DCDC1: variants seen among roughly 807,000 people sequenced by gnomAD.
DCDC1 encodes the protein doublecortin domain containing 1.
DCDC1 carries 200 observed loss-of-function variants against 178.3 expected under a neutral mutation model. The observed-to-expected ratio is 1.12, with a 90% confidence interval of 1.00 to 1.26. The LOEUF (loss-of-function observed/expected upper bound fraction) is 1.26. Ranked by LOEUF, DCDC1 falls within the 50% of genes most tolerant of loss-of-function variation. The pLI, the probability that DCDC1 is intolerant of heterozygous loss-of-function variation, is 0.00. For synonymous variants in DCDC1, 690 were observed against 604.8 expected, an observed-to-expected ratio of 1.14 and a Z score of -2.07; for missense variants, 1,983 against 1,749.2, an observed-to-expected ratio of 1.13 and a Z score of -2.38.
intron 9 of DCDC1, among the ~76,000 whole-genome samples, chr11:31,207,941 C>T (rs1007451809): frequency 2.0e-5 from 3 of 152,052 alleles, no homozygotes; most frequent in South Asian, 2.1e-4. Context: ...TTCATCACTC[C>T]CTCCTTAAAT....
At chr11:31,293,406 C>A (rs1161568554) in intron 6 of DCDC1, among the ~76,000 whole-genome samples, 1 of 152,080 alleles carries the variant, frequency 6.6e-6, no homozygotes, top group Non-Finnish European at 1.5e-5. Flanking sequence ...ATGTTACAGG[C>A]ACCAAGATTT....
intron 7 of DCDC1, among the ~76,000 whole-genome samples, chr11:31,274,159 T>C (rs1945800242): frequency 6.6e-6 from 1 of 152,194 alleles, no homozygotes; most frequent in African/African-American, 2.4e-5. Context: ...ATCATGCATA[T>C]TCATTCACTG....
chr11:31,197,354 T>C (rs1186776066), intron 9 of DCDC1, among the ~76,000 whole-genome samples: 1 of 152,124 alleles, frequency 6.6e-6, no homozygotes, highest in Non-Finnish European at 1.5e-5. Flanking sequence ...ATATCTTTCC[T>C]TTTTGCAAAT....
At chr11:31,081,722 A>C (rs1376581970) in intron 17 of DCDC1, among the ~76,000 whole-genome samples, 1 of 152,206 alleles carries the variant, frequency 6.6e-6, no homozygotes, top group African/African-American at 2.4e-5. Flanking sequence ...CTTTTCCTAG[A>C]AAATTCTACT....
intron 7 of DCDC1, among the ~76,000 whole-genome samples, chr11:31,285,040 A>C (rs1946715076): frequency 1.3e-5 from 2 of 152,012 alleles, no homozygotes; most frequent in African/African-American, 2.4e-5. Flanking sequence ...ATTTGTTTTT[A>C]TTTCCATTAA....
chr11:31,297,953 A>T (rs951967550), intron 6 of DCDC1, among the ~76,000 whole-genome samples: 7 of 152,158 alleles, frequency 4.6e-5, no homozygotes, highest in African/African-American at 1.7e-4. Context: ...CCTGAAATGT[A>T]TAAAACCAAG....
intron 9 of DCDC1, among the ~76,000 whole-genome samples, chr11:31,223,208 A>G (rs1210159773): frequency 6.6e-6 from 1 of 152,150 alleles, no homozygotes; most frequent in Non-Finnish European, 1.5e-5. Context: ...TGATGTAATT[A>G]TATTACAATA....
At chr11:30,985,660 A>G (rs1338049797) in intron 20 of DCDC1, among the ~76,000 whole-genome samples, 1 of 152,174 alleles carries the variant, frequency 6.6e-6, no homozygotes, top group East Asian at 1.9e-4. Flanking sequence ...ATAATAAACT[A>G]TATGAGTTGC....
chr11:31,268,145 T>A (rs904362023), intron 7 of DCDC1, among the ~76,000 whole-genome samples: 2 of 152,226 alleles, frequency 1.3e-5, no homozygotes, highest in Non-Finnish European at 2.9e-5. Flanking sequence ...ATGAAGTTAT[T>A]ACTGTATTTA....
chr11:30,888,144 A>AAGAAAGAAAGAAAGAAAG (rs1554959136), intron 36 of DCDC1, among the ~76,000 whole-genome samples: 3 of 142,020 alleles, frequency 2.1e-5, no homozygotes, highest in Non-Finnish European at 4.5e-5. Flanking sequence ...GAAAGAAAGA[A>AAGAAAGAAAGAAAGAAAG]AGAAAGAAAG....
At chr11:31,133,693 G>GT (rs869146116) in intron 10 of DCDC1, among the ~76,000 whole-genome samples, 13 of 151,114 alleles carry the variant, frequency 8.6e-5, no homozygotes, top group South Asian at 8.4e-4. Flanking sequence ...ATTTTTGTGG[G>GT]TTTTTTTTTG....
chr11:30,958,058 A>G (rs1214516608), intron 20 of DCDC1, among the ~76,000 whole-genome samples: 1 of 152,168 alleles, frequency 6.6e-6, no homozygotes, highest in East Asian at 1.9e-4. Context: ...CAGTGGTGAG[A>G]AATTGTCCCA....
At chr11:30,993,210 A>C (rs900968978) in intron 20 of DCDC1, among the ~76,000 whole-genome samples, 3 of 152,120 alleles carry the variant, frequency 2.0e-5, no homozygotes, top group Non-Finnish European at 4.4e-5. Flanking sequence ...GAAGTGTCAA[A>C]ATTTTTAAAT....
rs1435185884 is a variant in DCDC1, at chr11:30,903,515, C to T, written c.4477G>A (p.Gly1493Arg). ...EKQKQDAAPV[G>R]KEQIIVESME... ...CTTTCAACAATTATCTGTTCTTTTC[C>T]AACAGGAGCTGCATCTTGCTTTTGT... The change falls in exon 32 of 39, where the codon GGA becomes AGA. Residue 1493 changes from glycine (G) to arginine (R), a missense_variant. Physicochemically the swap from Gly to Arg is moderately radical, Grantham distance 125. Transcript: ENST00000684477. The T allele has an allele frequency of 6.2e-7, 1 of 1,601,592 alleles. No homozygotes were observed. Among genetic ancestry groups the T allele is most frequent in the Non-Finnish European group, 8.5e-7 (1 of 1,173,524 alleles).
chr11:31,168,077 T>C (rs990898387), intron 9 of DCDC1, among the ~76,000 whole-genome samples: 5 of 152,194 alleles, frequency 3.3e-5, no homozygotes, highest in African/African-American at 1.2e-4. Flanking sequence ...TCTTTTGAGT[T>C]TGAAGTCAAG....
chr11:31,149,797 A>G, intron 9 of DCDC1, among the ~76,000 whole-genome samples: 1 of 152,122 alleles, frequency 6.6e-6, no homozygotes, highest in East Asian at 1.9e-4. Flanking sequence ...ACCCACAGGA[A>G]GGAAGAAACT....
chr11:31,194,022 T>A (rs1369337953), intron 9 of DCDC1, among the ~76,000 whole-genome samples: 2 of 151,974 alleles, frequency 1.3e-5, no homozygotes, highest in African/African-American at 4.8e-5. Flanking sequence ...AACGGGAAAA[T>A]CTACAAGGTC....
rs1223526182 is a variant in DCDC1 at position 31,250,415 on chromosome 11, C to CACACACACACACACACACACAT, written c.1055-8800_1055-8799insATGTGTGTGTGTGTGTGTGTGT. Among the ~76,000 whole-genome samples, 6 of 73,668 alleles carry CACACACACACACACACACACAT rather than the reference C, an allele frequency of 8.1e-5. 1 individual carries two copies. The highest frequency in any genetic ancestry group is 9.2e-4 in the East Asian group (1 of 1,084). 48.3% of individuals were successfully genotyped at this position (73,668 alleles called of 152,430 possible). A position where few individuals can be genotyped will look rare whatever the true frequency, so the allele number is the denominator to read the frequency against. On this transcript the variant is annotated intron_variant, in intron 8 of 38. Coordinates refer to ENST00000684477, the MANE Select transcript of DCDC1 (RefSeq NM_001387274.1). ...ACACACACACACACACACACACACA[C>CACACACACACACACACACACAT]ATATACATATATATGTATATATATA...
At chr11:31,337,220 C>CAGAGTCT (rs1354018498) in intron 1 of DCDC1, among the ~76,000 whole-genome samples, 1 of 152,176 alleles carries the variant, frequency 6.6e-6, no homozygotes, top group Non-Finnish European at 1.5e-5. Flanking sequence ...AAATTTAACT[C>CAGAGTCT]AGAGTCTAGT....
Sources: allele counts gnomAD v4.1 joint callset (sites outside exome capture counted in the v4.1 genomes callset), GRCh38; gene constraint gnomAD v4.1.1; transcripts MANE v1.5; gene names NCBI Gene and HGNC (gene_info 2026-07-23, HGNC 2026-07-21).